The following PDE10A variants were observed in gnomAD, a reference collection of about 807,000 sequenced individuals.
The protein encoded by PDE10A is cAMP and cAMP-inhibited cGMP 3',5'-cyclic phosphodiesterase 10A.
Under a neutral mutation model 97.7 loss-of-function variants are expected in PDE10A, and 39 were observed. The observed-to-expected ratio is 0.40, with a 90% CI of 0.31 to 0.52. PDE10A has a LOEUF of 0.52. PDE10A is among the 20% of genes least tolerant of loss of function. The pLI is 0.56. For missense variants in PDE10A, 731 were observed against 1,047.8 expected, an observed-to-expected ratio of 0.70 and a Z score of 4.17; for synonymous variants, 371 against 376.8, an observed-to-expected ratio of 0.98 and a Z score of 0.18.
chr6:165,401,456 C>G (rs76993717), intron 13 of PDE10A, among the ~76,000 whole-genome samples: 457 of 152,264 alleles, frequency 3.0e-3, no homozygotes, highest in African/African-American at 0.01. Flanking sequence ...AAGAAGTTAG[C>G]AAATTTGGAA....
At chr6:165,875,397 G>A (rs150223617) in intron 1 of PDE10A, among the ~76,000 whole-genome samples, 53 of 152,282 alleles carry the variant, frequency 3.5e-4, no homozygotes, top group African/African-American at 1.0e-3. Flanking sequence ...TTGGTATACC[G>A]TAGGTGTGCA....
intron 18 of PDE10A, among the ~76,000 whole-genome samples, chr6:165,373,264 A>G (rs540145424): frequency 6.6e-6 from 1 of 151,978 alleles, no homozygotes; most frequent in African/African-American, 2.4e-5. Flanking sequence ...CTGCACAGCA[A>G]AAGAAACTAC....
At chr6:165,861,704 GGA>G (rs1475593915) in intron 1 of PDE10A, among the ~76,000 whole-genome samples, 82 of 152,182 alleles carry the variant, frequency 5.4e-4, no homozygotes, top group East Asian at 4.3e-3. Context: ...GCAAGGGAAG[GGA>G]GTGACGGGTT....
intron 1 of PDE10A, among the ~76,000 whole-genome samples, chr6:165,958,459 CAAAA>C (rs1784209112): frequency 2.0e-5 from 1 of 49,398 alleles, no homozygotes; most frequent in Admixed American, 3.5e-4. Flanking sequence ...AGAGAGAAAA[CAAAA>C]GAAAGAAAGA....
At chr6:165,830,560 A>C (rs533310777) in intron 1 of PDE10A, among the ~76,000 whole-genome samples, 51 of 152,192 alleles carry the variant, frequency 3.4e-4, no homozygotes, top group African/African-American at 1.1e-3. Flanking sequence ...CTCCACCCCC[A>C]CAGGAGCAGT....
chr6:165,700,569 G>A (rs1291335552), intron 1 of PDE10A, among the ~76,000 whole-genome samples: 2 of 152,028 alleles, frequency 1.3e-5, no homozygotes, highest in African/African-American at 2.4e-5. Flanking sequence ...TTACCGTTTT[G>A]CAGGTAATGT....
intron 1 of PDE10A, among the ~76,000 whole-genome samples, chr6:165,928,665 G>C (rs191356813): frequency 6.6e-6 from 1 of 152,134 alleles, no homozygotes; most frequent in African/African-American, 2.4e-5. Context: ...GAAACCTGGT[G>C]GTGCCAACAT....
intron 1 of PDE10A, among the ~76,000 whole-genome samples, chr6:165,755,046 G>A (rs537012510): frequency 4.6e-4 from 70 of 152,212 alleles, no homozygotes; most frequent in African/African-American, 1.6e-3. Flanking sequence ...AAAGCCTCAA[G>A]TATTAAAATA....
At chr6:165,491,652 T>C (rs1314079393) in intron 2 of PDE10A, among the ~76,000 whole-genome samples, 3 of 151,940 alleles carry the variant, frequency 2.0e-5, no homozygotes, top group African/African-American at 7.3e-5. Flanking sequence ...GATCATTGGG[T>C]TTGAACTACA....
At chr6:165,636,729 G>C (rs989458887) in intron 1 of PDE10A, among the ~76,000 whole-genome samples, 1 of 152,212 alleles carries the variant, frequency 6.6e-6, no homozygotes, top group Non-Finnish European at 1.5e-5. Flanking sequence ...ACACATTTGT[G>C]AAGTACTAAT....
chr6:165,413,299 G>A (rs1244611663), intron 13 of PDE10A, among the ~76,000 whole-genome samples: 1 of 151,506 alleles, frequency 6.6e-6, no homozygotes, highest in Non-Finnish European at 1.5e-5. Context: ...TGAAATAAAC[G>A]CAAACTATTA....
chr6:165,576,199 C>A (rs112626543), intron 1 of PDE10A, among the ~76,000 whole-genome samples: 1 of 152,172 alleles, frequency 6.6e-6, no homozygotes. Context: ...GTAAACTTTT[C>A]GGTGCAATGA....
At chr6:165,640,152 G>A (rs1033898330) in intron 1 of PDE10A, among the ~76,000 whole-genome samples, 1 of 151,950 alleles carries the variant, frequency 6.6e-6, no homozygotes, top group East Asian at 1.9e-4. Flanking sequence ...TCCCATTAGG[G>A]TATAGGAAAT....
At chr6:165,602,125 G>T (rs1221027828) in intron 1 of PDE10A, among the ~76,000 whole-genome samples, 1 of 152,006 alleles carries the variant, frequency 6.6e-6, no homozygotes, top group Non-Finnish European at 1.5e-5. Flanking sequence ...ATTCTCCATG[G>T]GCTTGGACAG....
chr6:165,604,404 C>A (rs1787108253), intron 1 of PDE10A, among the ~76,000 whole-genome samples: 1 of 151,854 alleles, frequency 6.6e-6, no homozygotes, highest in African/African-American at 2.4e-5. Flanking sequence ...TCTGGTCCAG[C>A]TGACTAGCTG....
chr6:165,727,019 C>G (rs1792316091), intron 1 of PDE10A, among the ~76,000 whole-genome samples: 1 of 148,278 alleles, frequency 6.7e-6, no homozygotes. Context: ...TGGGGGGTTC[C>G]CCTGGGACCG....
rs145964010 is a variant in PDE10A at position 165,353,939 on chromosome 6, A to T, written c.2784-10437T>A. On this transcript the variant is annotated intron_variant, in intron 18 of 21. Coordinates refer to ENST00000539869, the MANE Select transcript of PDE10A (RefSeq NM_001385079.1). ...TAAATGTACTATTCTGGTGCAGGAT[A>T]CCAACAGTGGGGGAAGTTGTCCATG... 2.3e-3 allele frequency among the ~76,000 whole-genome samples: 351 copies of T among 152,326 alleles called. 1 individual carries two copies. The highest frequency in any genetic ancestry group is 7.7e-3 in the African/African-American group (321 of 41,576).
intron 13 of PDE10A, among the ~76,000 whole-genome samples, chr6:165,399,581 C>A (rs11754677): frequency 6.9e-5 from 10 of 145,502 alleles, no homozygotes; most frequent in South Asian, 2.4e-4. Context: ...ATCCCTCCCC[C>A]CTCCCCACAA....
intron 5 of PDE10A, among the ~76,000 whole-genome samples, chr6:165,438,481 C>T (rs1790203512): frequency 6.6e-6 from 1 of 152,222 alleles, no homozygotes; most frequent in African/African-American, 2.4e-5. Flanking sequence ...AGCCACTGTG[C>T]CTGGCCTATC....
Sources: allele counts gnomAD v4.1 joint callset (sites outside exome capture counted in the v4.1 genomes callset), GRCh38; gene constraint gnomAD v4.1.1; transcripts MANE v1.5; gene names NCBI Gene and HGNC (gene_info 2026-07-23, HGNC 2026-07-21).